The following OSBPL5 variants were observed in gnomAD, a reference collection of about 807,000 sequenced individuals.
OSBPL5 encodes oxysterol binding protein like 5, also known as oxysterol-binding protein-related protein 5.
A neutral mutation model predicts 111.2 loss-of-function variants in OSBPL5; 71 were observed. The observed-to-expected ratio is 0.64, with a 90% confidence interval of 0.53 to 0.78. The LOEUF (loss-of-function observed/expected upper bound fraction) is 0.78. OSBPL5 is among the 30% of genes least tolerant of loss of function. The pLI is 0.00. For missense variants in OSBPL5, 1,210 were observed against 1,189.3 expected, an observed-to-expected ratio of 1.02 and a Z score of -0.26; for synonymous variants, 549 against 513.9, an observed-to-expected ratio of 1.07 and a Z score of -0.93.
chr11:3,091,498 C>T (rs543595855), intron 19 of OSBPL5, among the ~76,000 whole-genome samples: 64 of 151,726 alleles, frequency 4.2e-4, no homozygotes, highest in East Asian at 1.4e-3. Context: ...GCAGGGGCTG[C>T]GGGGTGGGAG....
intron 1 of OSBPL5, among the ~76,000 whole-genome samples, chr11:3,151,895 A>AGG (rs1846604551): frequency 6.6e-6 from 1 of 152,130 alleles, no homozygotes; most frequent in Admixed American, 6.5e-5. Flanking sequence ...GCTCCTGGAG[A>AGG]GGGGCCCGTT....
At position 3,146,957 on chromosome 11, in the gene OSBPL5, G is replaced by C. The variant is rs916850537; in HGVS notation, c.-21-17788C>G. 6.6e-6 allele frequency among the ~76,000 whole-genome samples: 1 copy of C among 151,756 alleles called. No individual in the cohort carries two copies. The highest frequency in any genetic ancestry group is 2.4e-5 in the African/African-American group (1 of 41,518). Reference sequence around the variant, plus strand: ...AGAGGTGGCTCAGCTGAGGGCACGGGGGCCTTGGCAGCTGTCACGACCCTC... The same window carrying C: ...AGAGGTGGCTCAGCTGAGGGCACGGCGGCCTTGGCAGCTGTCACGACCCTC... On this transcript the variant is annotated intron_variant, in intron 1 of 21. Coordinates refer to ENST00000263650, the MANE Select transcript of OSBPL5 (RefSeq NM_020896.4). The surrounding 1 kb of genome is among the most constrained non-coding windows in gnomAD (Gnocchi z 7.8).
In OSBPL5 at chr11:3,106,803, C is replaced by T. The variant is rs563855922; in HGVS notation, c.1059+460G>A. 2.0e-5 allele frequency among the ~76,000 whole-genome samples: 3 copies of T among 152,260 alleles called. No homozygotes were observed. The highest frequency in any genetic ancestry group is 2.1e-4 in the South Asian group (1 of 4,826). On this transcript the variant is annotated intron_variant, in intron 9 of 21. Coordinates refer to ENST00000263650, the MANE Select transcript of OSBPL5 (RefSeq NM_020896.4). This position sits in a 1 kb window ranked among gnomAD's most constrained non-coding sequence, Gnocchi z 8.4. ...TGCCCATACACTGGGGGCCCAGAGC[C>T]CAGGTCTGTCTCATTCATGGCTCTC...
intron 12 of OSBPL5, 29 bp downstream of exon 12, chr11:3,102,154 C>T: frequency 2.6e-6 from 4 of 1,564,906 alleles, no homozygotes; most frequent in Non-Finnish European, 3.5e-6. Context: ...GCCCAGCACC[C>T]AGGCCGGTTG....
At chr11:3,102,334 T>C in intron 11 of OSBPL5, 53 bp from the exon 12 acceptor site, 1 of 1,523,804 alleles carries the variant, frequency 6.6e-7, no homozygotes, top group Non-Finnish European at 8.9e-7. Context: ...AGGTCCGCTG[T>C]GCAGAGCAGG....
intron 2 of OSBPL5, among the ~76,000 whole-genome samples, chr11:3,127,059 G>C (rs930434287): frequency 1.3e-5 from 2 of 152,216 alleles, no homozygotes; most frequent in East Asian, 3.9e-4. Context: ...GAGAGGCAAA[G>C]GAGGGAGACC....
In OSBPL5 at chr11:3,162,102, G is replaced by C. The variant is rs1008612099; in HGVS notation, c.-22+3114C>G. Among the ~76,000 whole-genome samples, 4 of 152,180 alleles carry C rather than the reference G, an allele frequency of 2.6e-5. No homozygotes were observed. Among genetic ancestry groups the C allele is most frequent in the African/African-American group, 9.7e-5 (4 of 41,424 alleles). On this transcript the variant is annotated intron_variant, in intron 1 of 21. Coordinates refer to ENST00000263650, the MANE Select transcript of OSBPL5 (RefSeq NM_020896.4). The surrounding 1 kb of genome is among the most constrained non-coding windows in gnomAD (Gnocchi z 8.1). Reference sequence around the variant, plus strand: ...CATGGCAAATCTCAAAGGGCTCTAAGTGGTCAAATTACATGAAGTGGTTTA... The same window carrying C: ...CATGGCAAATCTCAAAGGGCTCTAACTGGTCAAATTACATGAAGTGGTTTA...
intron 14 of OSBPL5, among the ~76,000 whole-genome samples, chr11:3,095,044 G>C (rs1448373528): frequency 6.6e-6 from 1 of 151,972 alleles, no homozygotes; most frequent in Non-Finnish European, 1.5e-5. Context: ...TAAAAATGAA[G>C]AAAAGAAACA....
chr11:3,095,049 G>T (rs1033506975), intron 14 of OSBPL5, among the ~76,000 whole-genome samples: 3 of 151,968 alleles, frequency 2.0e-5, no homozygotes, highest in African/African-American at 7.3e-5. Flanking sequence ...ATGAAGAAAA[G>T]AAACAACAAG....
At position 3,104,117 on chromosome 11, in the gene OSBPL5, A is replaced by T. The variant is rs1027628365; in HGVS notation, c.1244+76T>A. The stretch of plus-strand genomic sequence containing the variant: ...CTCTGGAAGCCCCCACAGGGCAGGT[A>T]GGGGCTGGGGGTGCTGCAGGGTCTC... On this transcript the variant is annotated intron_variant, in intron 10 of 21. Coordinates refer to ENST00000263650, the MANE Select transcript of OSBPL5 (RefSeq NM_020896.4). The surrounding 1 kb of genome is among the most constrained non-coding windows in gnomAD (Gnocchi z 5.0). 6.9e-7 allele frequency: 1 copy of T among 1,456,718 alleles called. No individual in the cohort carries two copies. The highest frequency in any genetic ancestry group is 2.0e-5 in the Admixed American group (1 of 51,228). 90.2% of individuals were successfully genotyped at this position (1,456,718 alleles called of 1,614,324 possible). A position where few individuals can be genotyped will look rare whatever the true frequency, so the allele number is the denominator to read the frequency against.
intron 14 of OSBPL5, among the ~76,000 whole-genome samples, chr11:3,096,614 G>GT (rs1554894615): frequency 1.9e-5 from 1 of 52,400 alleles, no homozygotes; most frequent in African/African-American, 7.9e-5. Flanking sequence ...GCAAGACTCT[G>GT]TCAAAAAAAA....
chr11:3,150,660 G>T (rs1162286393), intron 1 of OSBPL5, among the ~76,000 whole-genome samples: 1 of 152,170 alleles, frequency 6.6e-6, no homozygotes, highest in African/African-American at 2.4e-5. Flanking sequence ...CTTCCCCGGG[G>T]TCTCCCCCGT....
At chr11:3,103,831 CCAGCCT>C (rs1564830531) in intron 10 of OSBPL5, among the ~76,000 whole-genome samples, 7 of 66,142 alleles carry the variant, frequency 1.1e-4, no homozygotes, top group Non-Finnish European at 1.1e-4. Flanking sequence ...CAGCCCCCTT[CCAGCCT>C]CTGCAGCCCC....
intron 1 of OSBPL5, among the ~76,000 whole-genome samples, chr11:3,143,480 T>G (rs987424078): frequency 6.6e-6 from 1 of 152,100 alleles, no homozygotes; most frequent in Admixed American, 6.5e-5. Flanking sequence ...CGGATAAACA[T>G]GGATCACATC....
chr11:3,133,126 CA>C (rs1172551847), intron 1 of OSBPL5, among the ~76,000 whole-genome samples: 1 of 152,248 alleles, frequency 6.6e-6, no homozygotes, highest in Non-Finnish European at 1.5e-5. Context: ...ATCCCCCGGC[CA>C]TCTGCCACTC....
intron 13 of OSBPL5, among the ~76,000 whole-genome samples, chr11:3,101,094 C>G (rs1370165845): frequency 6.6e-6 from 1 of 151,862 alleles, no homozygotes; most frequent in African/African-American, 2.4e-5. Context: ...CCTGCCTCAG[C>G]CTTCCCAGTA....
intron 3 of OSBPL5, among the ~76,000 whole-genome samples, chr11:3,125,553 C>G (rs1049928229): frequency 2.6e-5 from 4 of 152,240 alleles, no homozygotes; most frequent in African/African-American, 9.6e-5. Flanking sequence ...CGCCTGTAAT[C>G]CCAGCACTTT....
rs1472514450 is a variant in OSBPL5, at chr11:3,162,079, T to C, written c.-22+3137A>G. 1.3e-5 allele frequency among the ~76,000 whole-genome samples: 2 copies of C among 152,090 alleles called. No homozygotes were observed. Among genetic ancestry groups the C allele is most frequent in the African/African-American group, 4.8e-5 (2 of 41,396 alleles). ...AGGGGTCAGGACTTACTGAGACCCA[T>C]GGCAAATCTCAAAGGGCTCTAAGTG... On this transcript the variant is annotated intron_variant, in intron 1 of 21. Transcript: ENST00000263650. This position sits in a 1 kb window ranked among gnomAD's most constrained non-coding sequence, Gnocchi z 8.1.
intron 10 of OSBPL5, among the ~76,000 whole-genome samples, chr11:3,103,727 C>CCTCTGCAGCCCCTTCCTGCCTCTGCAGT (rs1564829646): frequency 2.5e-5 from 2 of 80,400 alleles, no homozygotes; most frequent in African/African-American, 8.2e-5. Flanking sequence ...GGCTCTGCTG[C>CCTCTGCAGCCCCTTCCTGCCTCTGCAGT]CCCTTCCTGC....
Sources: allele counts gnomAD v4.1 joint callset (sites outside exome capture counted in the v4.1 genomes callset), GRCh38; gene constraint gnomAD v4.1.1; non-coding constraint Gnocchi (gnomAD v3.1); transcripts MANE v1.5; gene names NCBI Gene and HGNC (gene_info 2026-07-23, HGNC 2026-07-21).